Variants in SLC30A10 observed in about 807,000 individuals in gnomAD.
SLC30A10 encodes solute carrier family 30 member 10.
SLC30A10 carries 8 observed loss-of-function variants against 21.7 expected under a neutral mutation model. The observed-to-expected ratio is 0.37, with a 90% confidence interval of 0.22 to 0.67. The LOEUF is 0.67. Among genes scored for constraint, SLC30A10 ranks in the 30% least tolerant of loss-of-function variants. The pLI is 0.58. For missense variants in SLC30A10, 521 were observed against 642.5 expected, an observed-to-expected ratio of 0.81 and a Z score of 2.04; for synonymous variants, 272 against 279.4, an observed-to-expected ratio of 0.97 and a Z score of 0.26.
At position 219,943,828 on chromosome 1, in the gene SLC30A10, G is replaced by A. The variant is rs547540398; in HGVS notation, n.80+14740C>T. On this transcript the variant is annotated intron_variant and non_coding_transcript_variant, in intron 1 of 8. Coordinates refer to the SLC30A10 transcript ENST00000484239. ...AAAAACTCAATGGGAGGCCAGGCGC[G>A]GTGGCTCACACCTGTAATCCCAGCA... Among the ~76,000 whole-genome samples, 24 of 152,238 alleles carry A rather than the reference G, an allele frequency of 1.6e-4. No homozygotes were observed. The South Asian group carries it at 5.0e-3, about 32-fold the overall frequency.
Position 219,927,781 on chromosome 1 carries a change from A to T in SLC30A10, c.640+20T>A. The T allele has an allele frequency of 6.6e-7, 1 of 1,524,692 alleles. No homozygotes were observed. The highest frequency in any genetic ancestry group is 8.8e-7 in the Non-Finnish European group (1 of 1,137,226). The allele number at this position is 1,524,692 out of a possible 1,614,324, so 94.4% of individuals were successfully genotyped here. A position where few individuals can be genotyped will look rare whatever the true frequency, so the allele number is the denominator to read the frequency against. On this transcript the variant is annotated intron_variant, in intron 1 of 3. Transcript: ENST00000366926. ...AGGAAGGAAGGGCCAAGCGGTCCAA[A>T]GGATGCAACCGAAAGGCACCTGCTA... is the stretch of plus-strand genomic sequence containing the variant.
intron 1 of SLC30A10, among the ~76,000 whole-genome samples, chr1:219,933,732 C>G (rs1214795968): frequency 2.0e-5 from 3 of 152,146 alleles, no homozygotes; most frequent in Non-Finnish European, 4.4e-5. Context: ...TTTCCTTCAC[C>G]AAAGGATTCG....
rs1659459502 is a variant in SLC30A10, at chr1:219,913,345, G to GA, written c.*2103dup. On this transcript the variant is annotated 3_prime_UTR_variant, in exon 4 of 4. Coordinates refer to ENST00000366926, the MANE Select transcript of SLC30A10 (RefSeq NM_018713.3). ...GGAATTAAGTGCCTTTTCTTACCCA[G>GA]AAAAATATTTTAGAGATTAAAGAAC... Among the ~76,000 whole-genome samples the GA allele has an allele frequency of 1.3e-5, 2 of 152,304 alleles. No homozygotes were observed. Among genetic ancestry groups the GA allele is most frequent in the African/African-American group, 2.4e-5 (1 of 41,566 alleles).
chr1:219,911,174 T>TTTTTTTTTTTTTTTTTTTTTTTTTTA lies in SLC30A10; in HGVS notation c.*4274_*4275insTAAAAAAAAAAAAAAAAAAAAAAAAA, dbSNP rs1659409061. ...GTTTTTTTTTTTTTTTTTTTTTTTT[T>TTTTTTTTTTTTTTTTTTTTTTTTTTA]GCAGTCTTTTACTACAGGAATGTGA... is the stretch of plus-strand genomic sequence containing the variant. On this transcript the variant is annotated 3_prime_UTR_variant, in exon 4 of 4. Transcript: ENST00000366926. Among the ~76,000 whole-genome samples the TTTTTTTTTTTTTTTTTTTTTTTTTTA allele has an allele frequency of 7.5e-6, 1 of 133,216 alleles. No homozygotes were observed. Among genetic ancestry groups the TTTTTTTTTTTTTTTTTTTTTTTTTTA allele is most frequent in the African/African-American group, 2.9e-5 (1 of 34,934 alleles). 87.4% of individuals were successfully genotyped at this position (133,216 alleles called of 152,430 possible).
chr1:219,934,906 T>C (rs1660026413), intron 1 of SLC30A10, among the ~76,000 whole-genome samples: 2 of 152,122 alleles, frequency 1.3e-5, no homozygotes, highest in Middle Eastern at 3.2e-3. Flanking sequence ...AGAGAAACCC[T>C]GTGCTTGGGG....
chr1:219,951,983 A>T (rs1353105966), intron 1 of SLC30A10, among the ~76,000 whole-genome samples: 1 of 152,076 alleles, frequency 6.6e-6, no homozygotes, highest in Admixed American at 6.5e-5. Flanking sequence ...AAAACAACAC[A>T]TGTTTTGTAC....
At chr1:219,921,904 T>TGTGAGAGAGAGAGA (rs1200596880) in intron 2 of SLC30A10, among the ~76,000 whole-genome samples, 1 of 84,704 alleles carries the variant, frequency 1.2e-5, no homozygotes, top group African/African-American at 5.5e-5. Flanking sequence ...TGTGTGTGTG[T>TGTGAGAGAGAGAGA]GAAAGAGAGA....
At chr1:219,921,700 G>A (rs1384799954) in intron 2 of SLC30A10, among the ~76,000 whole-genome samples, 1 of 151,674 alleles carries the variant, frequency 6.6e-6, no homozygotes, top group Admixed American at 6.6e-5. Context: ...ACTAATTCTA[G>A]GGCCCAAATT....
In SLC30A10 at chr1:219,918,500, A is replaced by G. The variant is rs61832076; in HGVS notation, c.719-6T>C. 1,298 of 1,587,696 alleles carry G rather than the reference A, an allele frequency of 8.2e-4. 1 individual carries two copies. The highest frequency in any genetic ancestry group is 1.0e-3 in the Non-Finnish European group (1,207 of 1,164,614). ...CATCACATGCAAAAGTACACCTGCC[A>G]GGAAGAAAGACTACTGCAGCACAGA... On this transcript the variant is annotated splice_polypyrimidine_tract_variant and splice_region_variant and intron_variant, in intron 2 of 3. Transcript: ENST00000366926. This position sits in a 1 kb window ranked among gnomAD's most constrained non-coding sequence, Gnocchi z 4.4.
intron 1 of SLC30A10, 56 bp downstream of exon 1, chr1:219,927,745 C>T: frequency 7.0e-7 from 1 of 1,429,446 alleles, no homozygotes; most frequent in South Asian, 1.5e-5. Context: ...AGAAAGGGAC[C>T]GGGTGGGAGG....
At chr1:219,944,212 C>G (rs1438197286) in intron 1 of SLC30A10, among the ~76,000 whole-genome samples, 1 of 151,472 alleles carries the variant, frequency 6.6e-6, no homozygotes, top group Non-Finnish European at 1.5e-5. Flanking sequence ...CTTTGGGAGG[C>G]CAAGGCGGGC....
chr1:219,928,723 G>T, upstream of SLC30A10: 1 of 379,578 alleles, frequency 2.6e-6, no homozygotes, highest in East Asian at 4.9e-5. This position sits in a 1 kb window ranked among gnomAD's most constrained non-coding sequence, Gnocchi z 6.3. Flanking sequence ...GACTTGGCAG[G>T]TGGCCACGAG....
At chr1:219,926,977 T>C (rs1226969053) in intron 2 of SLC30A10, 51 bp downstream of exon 2, 2 of 1,395,030 alleles carry the variant, frequency 1.4e-6, no homozygotes, top group Admixed American at 1.7e-5. Flanking sequence ...AACAACACAG[T>C]CCATGTGTGT....
intron 1 of SLC30A10, among the ~76,000 whole-genome samples, chr1:219,957,587 A>G (rs1208049524): frequency 6.6e-6 from 1 of 152,242 alleles, no homozygotes; most frequent in African/African-American, 2.4e-5. Flanking sequence ...TAAATAAGTT[A>G]CTTAGCATTT....
rs891488794 is a variant in SLC30A10 at position 219,927,085 on chromosome 1, T to C, written c.661A>G (p.Asn221Asp). 22 of 1,614,138 alleles carry C rather than the reference T, an allele frequency of 1.4e-5. No individual in the cohort carries two copies. The highest frequency in any genetic ancestry group is 1.9e-5 in the Non-Finnish European group (22 of 1,180,000). The part of the protein sequence containing the change: ...NVAGDSFNTQ[N>D]EPEDMMKKEK... ...TTTTTCATCATGTCTTCTGGCTCAT[T>C]CTGGGTGTTGAAGGAATCACCTGCA... The change falls in exon 2 of 4, where the codon AAT becomes GAT. Residue 221 changes from asparagine to aspartate, a missense_variant. Physicochemically the swap from Asn to Asp is conservative, Grantham distance 23 (BLOSUM62 1). Coordinates refer to ENST00000366926, the MANE Select transcript of SLC30A10 (RefSeq NM_018713.3).
Position 219,912,363 on chromosome 1 carries a change from A to C in SLC30A10, c.*3086T>G, listed in dbSNP as rs1451500351. ...AAAATTAATTATATTTTCAAAAACA[A>C]TGTTGAGAGTCAGAAAATGAAACAG... On this transcript the variant is annotated 3_prime_UTR_variant, in exon 4 of 4. Coordinates refer to ENST00000366926, the MANE Select transcript of SLC30A10 (RefSeq NM_018713.3). Among the ~76,000 whole-genome samples the C allele has an allele frequency of 2.0e-5, 3 of 152,082 alleles. No homozygotes were observed.
intron 1 of SLC30A10, among the ~76,000 whole-genome samples, chr1:219,937,871 T>G (rs1660068112): frequency 6.6e-6 from 1 of 152,202 alleles, no homozygotes; most frequent in African/African-American, 2.4e-5. Context: ...TCACTGATGG[T>G]TTTCAGTGGT....
chr1:219,947,329 G>T (rs1392170654), intron 1 of SLC30A10, among the ~76,000 whole-genome samples: 2 of 152,136 alleles, frequency 1.3e-5, no homozygotes, highest in African/African-American at 4.8e-5. Context: ...AGGAGTTCGA[G>T]ATCAGCTTGG....
Position 219,912,707 on chromosome 1 carries a change from A to G in SLC30A10, c.*2742T>C, listed in dbSNP as rs1259024882. Among the ~76,000 whole-genome samples the G allele has an allele frequency of 7.0e-6, 1 of 142,372 alleles. No individual in the cohort carries two copies. The highest frequency in any genetic ancestry group is 1.6e-5 in the Non-Finnish European group (1 of 62,698). The allele number at this position is 142,372 out of a possible 152,430, so 93.4% of individuals were successfully genotyped here. ...AAATTAGCCGGGCATGGTGGCGAGC[A>G]CCTGTAATCCCAGCTACTCGGGAGG... On this transcript the variant is annotated 3_prime_UTR_variant, in exon 4 of 4. Coordinates refer to ENST00000366926, the MANE Select transcript of SLC30A10 (RefSeq NM_018713.3).
Sources: gnomAD v4.1 joint callset for allele counts (sites outside exome capture counted in the v4.1 genomes callset) on GRCh38, gnomAD v4.1.1 for gene constraint, Gnocchi (gnomAD v3.1) non-coding constraint, MANE v1.5 for transcripts, NCBI Gene and HGNC (gene_info 2026-07-23, HGNC 2026-07-21) for gene names.